The following PEAK1 variants were observed in gnomAD, a reference collection of about 807,000 sequenced individuals.
PEAK1 encodes the protein pseudopodium enriched atypical kinase 1.
A neutral mutation model predicts 124.7 loss-of-function variants in PEAK1; 54 were observed. The observed-to-expected ratio is 0.43, with a 90% CI of 0.35 to 0.54. The LOEUF (loss-of-function observed/expected upper bound fraction) is 0.54. Ranked by LOEUF, PEAK1 falls within the 20% of genes least tolerant of loss-of-function variation. The pLI is 0.01. For missense variants in PEAK1, 2,046 were observed against 2,134.5 expected, an observed-to-expected ratio of 0.96 and a Z score of 0.82; for synonymous variants, 719 against 760.0, an observed-to-expected ratio of 0.95 and a Z score of 0.89.
At chr15:77,208,516 G>A (rs895404640) in intron 6 of PEAK1, among the ~76,000 whole-genome samples, 3 of 152,112 alleles carry the variant, frequency 2.0e-5, no homozygotes, top group Admixed American at 1.3e-4. Flanking sequence ...ATATCAGTGA[G>A]GCCAGCAACT....
intron 2 of PEAK1, among the ~76,000 whole-genome samples, chr15:77,319,865 T>C (rs1415059720): frequency 1.3e-5 from 2 of 152,096 alleles, no homozygotes; most frequent in African/African-American, 2.4e-5. Context: ...GGATGATCTT[T>C]TACTCTTTGT....
At chr15:77,129,625 T>C (rs1331845886) in intron 9 of PEAK1, among the ~76,000 whole-genome samples, 1 of 151,500 alleles carries the variant, frequency 6.6e-6, no homozygotes, top group Non-Finnish European at 1.5e-5. Context: ...TTTGTATTTT[T>C]AGCAGAGACG....
At chr15:77,418,490 C>T in intron 1 of PEAK1, 1 of 985,072 alleles carries the variant, frequency 1.0e-6, no homozygotes, top group African/African-American at 1.7e-5. Flanking sequence ...AATTCACTAG[C>T]AATGCTATGA....
At chr15:77,278,226 A>AT (rs1257211559) in intron 5 of PEAK1, among the ~76,000 whole-genome samples, 1 of 152,196 alleles carries the variant, frequency 6.6e-6, no homozygotes, top group Non-Finnish European at 1.5e-5. Context: ...TGAACAGGTG[A>AT]TTAAGTACAT....
chr15:77,369,581 T>C (rs2068504041), intron 1 of PEAK1, among the ~76,000 whole-genome samples: 1 of 152,148 alleles, frequency 6.6e-6, no homozygotes, highest in Non-Finnish European at 1.5e-5. Context: ...TAAAGGGCCA[T>C]AAACAAACAA....
intron 9 of PEAK1, among the ~76,000 whole-genome samples, chr15:77,127,567 T>C (rs546318694): frequency 6.6e-6 from 1 of 152,176 alleles, no homozygotes; most frequent in Admixed American, 6.5e-5. Context: ...GGAATCCTTG[T>C]CATAACGTGG....
chr15:77,125,711 C>T (rs534868364), intron 9 of PEAK1, among the ~76,000 whole-genome samples: 1 of 152,204 alleles, frequency 6.6e-6, no homozygotes, highest in Non-Finnish European at 1.5e-5. Context: ...AATTCTTAGC[C>T]ACTTTGTTAA....
At chr15:77,310,054 A>G (rs2064344444) in intron 2 of PEAK1, among the ~76,000 whole-genome samples, 1 of 152,184 alleles carries the variant, frequency 6.6e-6, no homozygotes, top group Non-Finnish European at 1.5e-5. Flanking sequence ...GACAGGTTTC[A>G]GCTCACTACA....
intron 6 of PEAK1, among the ~76,000 whole-genome samples, chr15:77,213,849 A>T (rs1405753114): frequency 4.6e-5 from 7 of 152,208 alleles, no homozygotes; most frequent in Non-Finnish European, 8.8e-5. Flanking sequence ...TTATTTGTAT[A>T]CAATTGTATA....
At chr15:77,282,500 T>A (rs180735881) in intron 5 of PEAK1, among the ~76,000 whole-genome samples, 1 of 152,146 alleles carries the variant, frequency 6.6e-6, no homozygotes, top group African/African-American at 2.4e-5. Flanking sequence ...CACAAGGCCA[T>A]CCACGTGTAC....
intron 5 of PEAK1, among the ~76,000 whole-genome samples, chr15:77,255,960 A>T (rs142315983): frequency 6.6e-6 from 1 of 152,268 alleles, no homozygotes; most frequent in East Asian, 1.9e-4. Context: ...CATTATAGAC[A>T]CAGGTAATGC....
rs933722067 is a variant in PEAK1, at chr15:77,178,656, T to C, written c.3137+134A>G. ...CTATTCTAATCTTGGAATGCAGTTA[T>C]AAAGATAGATGATGGCCACAGAGTG... On this transcript the variant is annotated intron_variant, in intron 7 of 9. Transcript: ENST00000682557. 5.9e-6 allele frequency: 5 copies of C among 841,538 alleles called. No individual in the cohort carries two copies. The African/African-American group carries it at 6.8e-5, about 12-fold the overall frequency. 52.1% of individuals were successfully genotyped at this position (841,538 alleles called of 1,614,324 possible).
At chr15:77,231,933 CA>C (rs2059926446) in intron 6 of PEAK1, among the ~76,000 whole-genome samples, 1 of 152,202 alleles carries the variant, frequency 6.6e-6, no homozygotes, top group Non-Finnish European at 1.5e-5. Flanking sequence ...AATAGATATA[CA>C]GTGAAATTTG....
intron 8 of PEAK1, among the ~76,000 whole-genome samples, chr15:77,141,259 C>T (rs1403150220): frequency 1.3e-5 from 2 of 151,914 alleles, no homozygotes; most frequent in Admixed American, 1.3e-4. Context: ...AATGAATGAT[C>T]CAAAATAAAA....
intron 8 of PEAK1, among the ~76,000 whole-genome samples, chr15:77,145,674 T>G (rs897997462): frequency 6.6e-6 from 1 of 152,148 alleles, no homozygotes; most frequent in Non-Finnish European, 1.5e-5. Context: ...AAATCCTGAT[T>G]GTGCCTCTAC....
intron 1 of PEAK1, chr15:77,418,161 G>A (rs912400045): frequency 2.0e-6 from 2 of 984,316 alleles, no homozygotes; most frequent in South Asian, 9.4e-5. Context: ...TGGATAAAAC[G>A]AATAGTTGAG....
At chr15:77,353,994 TA>T (rs1472206774) in intron 2 of PEAK1, among the ~76,000 whole-genome samples, 2 of 152,192 alleles carry the variant, frequency 1.3e-5, no homozygotes, top group Non-Finnish European at 2.9e-5. Flanking sequence ...ACTTGTCCAC[TA>T]AATCTAAATG....
intron 2 of PEAK1, chr15:77,355,924 T>C: frequency 4.1e-6 from 4 of 985,358 alleles, no homozygotes; most frequent in Non-Finnish European, 3.6e-6. Flanking sequence ...AGGACCCCTG[T>C]GTGTGGAATG....
chr15:77,351,724 C>T (rs1444614341), intron 2 of PEAK1: 87 of 984,904 alleles, frequency 8.8e-5, no homozygotes, highest in Non-Finnish European at 1.0e-4. Flanking sequence ...CACCCTCCAC[C>T]GTTAACGAGA....
Sources: gnomAD v4.1 joint callset for allele counts (sites outside exome capture counted in the v4.1 genomes callset) on GRCh38, gnomAD v4.1.1 for gene constraint, MANE v1.5 for transcripts, NCBI Gene and HGNC (gene_info 2026-07-23, HGNC 2026-07-21) for gene names.